DIAPH3: variants seen among roughly 807,000 people sequenced by gnomAD.
DIAPH3 encodes diaphanous related formin 3.
In DIAPH3, 117 loss-of-function variants were observed where a neutral mutation model predicts 144.3. The ratio of observed to expected loss-of-function variants is 0.81; its 90% CI spans 0.70 to 0.95. The LOEUF is 0.95. Among genes scored for constraint, DIAPH3 ranks in the 40% least tolerant of loss-of-function variants. The pLI, the probability that DIAPH3 is intolerant of heterozygous loss-of-function variation, is 0.00. For synonymous variants in DIAPH3, 519 were observed against 488.9 expected (o/e 1.06, Z -0.81); for missense variants, 1,421 against 1,412.7 (o/e 1.01, Z -0.09).
intron 4 of DIAPH3, among the ~76,000 whole-genome samples, chr13:60,057,493 G>T (rs2056603212): frequency 6.6e-6 from 1 of 151,938 alleles, no homozygotes; most frequent in African/African-American, 2.4e-5. Flanking sequence ...CAGATTCAAT[G>T]CAATTCCTAT....
intron 15 of DIAPH3, among the ~76,000 whole-genome samples, chr13:59,973,922 A>C (rs557417505): frequency 6.6e-6 from 1 of 152,204 alleles, no homozygotes; most frequent in East Asian, 1.9e-4. Flanking sequence ...TTGGAAATTG[A>C]AAAATTATCA....
intron 4 of DIAPH3, among the ~76,000 whole-genome samples, chr13:60,084,307 G>A (rs192220908): frequency 3.0e-4 from 46 of 151,782 alleles, no homozygotes; most frequent in Middle Eastern, 3.4e-3. Flanking sequence ...ATCTTTTTTT[G>A]ATGTTTTCTG....
At position 60,042,840 on chromosome 13, in the gene DIAPH3, A is replaced by G. The variant is rs2055784506; in HGVS notation, c.496-20T>C. Reference sequence around the variant, plus strand: ...ACTTCCCTATAAAATAAGTCAAAAAATGTTTTGATTAATACTGCATGGAGA... The same window carrying G: ...ACTTCCCTATAAAATAAGTCAAAAAGTGTTTTGATTAATACTGCATGGAGA... On this transcript the variant is annotated intron_variant, in intron 4 of 27. Transcript: ENST00000400324. 6.2e-7 allele frequency: 1 copy of G among 1,612,152 alleles called. No homozygotes were observed. Among genetic ancestry groups the G allele is most frequent in the Non-Finnish European group, 8.5e-7 (1 of 1,178,716 alleles).
chr13:59,900,238 TTA>T (rs1454442098), intron 20 of DIAPH3, among the ~76,000 whole-genome samples: 1 of 152,230 alleles, frequency 6.6e-6, no homozygotes, highest in East Asian at 1.9e-4. Flanking sequence ...CATTTTAACT[TTA>T]TCTTAGTTCA....
intron 4 of DIAPH3, among the ~76,000 whole-genome samples, chr13:60,046,200 C>T (rs2056055852): frequency 6.6e-6 from 1 of 152,308 alleles, no homozygotes; most frequent in Non-Finnish European, 1.5e-5. Context: ...CTTACAGCTA[C>T]ATCCCTAAAG....
intron 2 of DIAPH3, among the ~76,000 whole-genome samples, chr13:60,128,736 C>T (rs1454861329): frequency 6.6e-6 from 1 of 150,946 alleles, no homozygotes; most frequent in Non-Finnish European, 1.5e-5. Flanking sequence ...TAGCTGTTAA[C>T]CATTTGTGGG....
intron 2 of DIAPH3, among the ~76,000 whole-genome samples, chr13:60,117,383 C>G (rs907979172): frequency 6.6e-6 from 1 of 151,908 alleles, no homozygotes; most frequent in African/African-American, 2.4e-5. Flanking sequence ...GCTTTTATTT[C>G]TTTTCCCAGA....
At chr13:59,901,055 C>A (rs1386984284) in intron 20 of DIAPH3, among the ~76,000 whole-genome samples, 1 of 152,224 alleles carries the variant, frequency 6.6e-6, no homozygotes, top group East Asian at 1.9e-4. Context: ...CTAATTCACA[C>A]ATTAATAATG....
chr13:60,077,872 T>C (rs1227584163), intron 4 of DIAPH3, among the ~76,000 whole-genome samples: 1 of 152,066 alleles, frequency 6.6e-6, no homozygotes, highest in African/African-American at 2.4e-5. Flanking sequence ...ACAAACCAAG[T>C]AAGCAACTCT....
At chr13:60,117,540 G>C (rs146081792) in intron 2 of DIAPH3, among the ~76,000 whole-genome samples, 1 of 152,152 alleles carries the variant, frequency 6.6e-6, no homozygotes, top group East Asian at 1.9e-4. Flanking sequence ...GAGCACTCCA[G>C]GTAGATTCTA....
intron 1 of DIAPH3, among the ~76,000 whole-genome samples, chr13:60,145,444 G>A (rs1005782864): frequency 1.3e-5 from 2 of 152,178 alleles, no homozygotes; most frequent in African/African-American, 2.4e-5. Context: ...TCAGGAGATC[G>A]AGACCATCCT....
intron 4 of DIAPH3, among the ~76,000 whole-genome samples, chr13:60,079,126 T>C (rs973481340): frequency 6.6e-6 from 1 of 151,996 alleles, no homozygotes; most frequent in East Asian, 1.9e-4. Context: ...AAAAGTTAAC[T>C]GAGGGAAAAA....
intron 4 of DIAPH3, among the ~76,000 whole-genome samples, chr13:60,071,387 T>A (rs2057201006): frequency 6.6e-6 from 1 of 152,188 alleles, no homozygotes; most frequent in Non-Finnish European, 1.5e-5. Flanking sequence ...CCACTATCCT[T>A]TTTCAAACAG....
intron 4 of DIAPH3, among the ~76,000 whole-genome samples, chr13:60,069,849 AC>A (rs1413904059): frequency 6.6e-6 from 1 of 152,148 alleles, no homozygotes; most frequent in East Asian, 1.9e-4. Flanking sequence ...CTGTTTTTGT[AC>A]AAATACCATG....
intron 7 of DIAPH3, among the ~76,000 whole-genome samples, chr13:60,014,503 T>G (rs753590133): frequency 2.0e-5 from 3 of 152,012 alleles, no homozygotes; most frequent in Non-Finnish European, 4.4e-5. Flanking sequence ...ATAGAAAGCT[T>G]AGCTCCAGAA....
chr13:60,158,590 A>G (rs1952133350), intron 1 of DIAPH3, among the ~76,000 whole-genome samples: 1 of 152,142 alleles, frequency 6.6e-6, no homozygotes, highest in African/African-American at 2.4e-5. Context: ...GGTGGAGTTC[A>G]ACAGGCCCAG....
chr13:60,011,492 T>C (rs533176717), intron 7 of DIAPH3, among the ~76,000 whole-genome samples: 15 of 152,334 alleles, frequency 9.8e-5, no homozygotes, highest in African/African-American at 3.4e-4. Flanking sequence ...TAATCCAATA[T>C]ACCCCAAATA....
At chr13:59,957,170 T>C (rs1209545668) in intron 17 of DIAPH3, among the ~76,000 whole-genome samples, 1 of 152,190 alleles carries the variant, frequency 6.6e-6, no homozygotes, top group Admixed American at 6.5e-5. Context: ...TGATTGGTTT[T>C]GAAATGTGAG....
At chr13:59,982,743 T>C (rs1594214584) in intron 13 of DIAPH3, among the ~76,000 whole-genome samples, 1 of 151,832 alleles carries the variant, frequency 6.6e-6, no homozygotes, top group East Asian at 1.9e-4. Context: ...TCTTGATAAA[T>C]GTTGCACTTT....
Sources: allele counts gnomAD v4.1 joint callset (sites outside exome capture counted in the v4.1 genomes callset), GRCh38; gene constraint gnomAD v4.1.1; transcripts MANE v1.5; gene names NCBI Gene and HGNC (gene_info 2026-07-23, HGNC 2026-07-21).